Variants in CELF2 observed in about 807,000 individuals in gnomAD.
CELF2 encodes the protein CUGBP Elav-like family member 2, also known as CUG triplet repeat RNA-binding protein 2.
A neutral mutation model predicts 62.6 loss-of-function variants in CELF2; 8 were observed. That is an observed-to-expected ratio of 0.13 (90% CI 0.07 to 0.23). The LOEUF is 0.23. CELF2 is among the 10% of genes least tolerant of loss of function. The pLI is 1.00. For missense variants in CELF2, 333 were observed against 671.0 expected, an observed-to-expected ratio of 0.50 and a Z score of 5.56; for synonymous variants, 258 against 250.0, an observed-to-expected ratio of 1.03 and a Z score of -0.30.
At chr10:11,078,100 T>G (rs61830423) in intron 1 of CELF2, among the ~76,000 whole-genome samples, 3,714 of 152,282 alleles carry the variant, frequency 0.024, 76 homozygotes, top group South Asian at 0.05. Context: ...CCATTTCGTT[T>G]TGAATGCTTT....
At chr10:11,163,902 G>C (rs2066326797) in intron 1 of CELF2, among the ~76,000 whole-genome samples, 1 of 152,222 alleles carries the variant, frequency 6.6e-6, no homozygotes, top group African/African-American at 2.4e-5. Context: ...ACCCACAGCA[G>C]ATTTAAAGTG....
In CELF2 at chr10:10,871,519, C is replaced by T. The variant is rs572377088; in HGVS notation, c.54-48445C>T. Among the ~76,000 whole-genome samples the T allele has an allele frequency of 1.7e-4, 26 of 152,188 alleles. No homozygotes were observed. The Middle Eastern group carries it at 0.01, about 60-fold the overall frequency. On this transcript the variant is annotated intron_variant, in intron 1 of 13. Coordinates refer to the CELF2 transcript ENST00000636488. ...TGTGTTAGAAACCTAGCGGGAATGG[C>T]TCAGGACTGCAATCCCAGCACTTTG...
intron 2 of CELF2, among the ~76,000 whole-genome samples, chr10:10,961,162 G>A (rs2049459316): frequency 6.6e-6 from 1 of 152,154 alleles, no homozygotes; most frequent in South Asian, 2.1e-4. Flanking sequence ...CTAAAAAAAA[G>A]AGAAGAGGTA....
rs532776305 is a variant in CELF2 at position 11,270,322 on chromosome 10, G to C, written c.619-344G>C. Among the ~76,000 whole-genome samples, 2 of 152,184 alleles carry C rather than the reference G, an allele frequency of 1.3e-5. No individual in the cohort carries two copies. The highest frequency in any genetic ancestry group is 2.9e-5 in the Non-Finnish European group (2 of 68,032). ...AGTCTGTCTTTAAGACGAGCAGCCT[G>C]AGAAGCTCAATTAAAGAACCTTGGT... On this transcript the variant is annotated intron_variant, in intron 6 of 12. Coordinates refer to ENST00000633077, the MANE Select transcript of CELF2 (RefSeq NM_001326342.2). The surrounding 1 kb of genome is among the most constrained non-coding windows in gnomAD (Gnocchi z 5.8).
Position 10,957,486 on chromosome 10 carries a change from C to G in CELF2, c.89+37487C>G, listed in dbSNP as rs529100158. Among the ~76,000 whole-genome samples, 6 of 152,264 alleles carry G rather than the reference C, an allele frequency of 3.9e-5. No individual in the cohort carries two copies. The highest frequency in any genetic ancestry group is 1.4e-4 in the African/African-American group (6 of 41,562). On this transcript the variant is annotated intron_variant, in intron 2 of 13. Transcript: ENST00000636488. The surrounding 1 kb of genome is among the most constrained non-coding windows in gnomAD (Gnocchi z 4.1). ...AAACCCTACTGGAATTAACCAGGATCTACTTTAAACAACCGTCAGACCACC... is the reference window on the plus strand; with the variant it reads ...AAACCCTACTGGAATTAACCAGGATGTACTTTAAACAACCGTCAGACCACC...
rs1252838844 is a variant in CELF2, at chr10:11,255,256, T to C, written c.404-2482T>C. On this transcript the variant is annotated intron_variant, in intron 4 of 12. Transcript: ENST00000633077. The surrounding 1 kb of genome is among the most constrained non-coding windows in gnomAD (Gnocchi z 5.5). ...CCTCAGCAGTCTCCCTCCCAGGAAT[T>C]GGAGCCCGGGGTGCCTGTTGCCCAT... Among the ~76,000 whole-genome samples the C allele has an allele frequency of 6.6e-6, 1 of 152,308 alleles. No individual in the cohort carries two copies. Among genetic ancestry groups the C allele is most frequent in the East Asian group, 1.9e-4 (1 of 5,172 alleles).
At chr10:10,483,579 A>G in the CELF2 span, among the ~76,000 whole-genome samples, 4 of 152,194 alleles carry the variant, frequency 2.6e-5, no homozygotes, top group African/African-American at 9.7e-5. Context: ...CAGTTTACTT[A>G]AGAAAATTTT....
the CELF2 span, among the ~76,000 whole-genome samples, chr10:10,700,965 C>G: frequency 9.3e-3 from 1,414 of 152,324 alleles, 8 homozygotes; most frequent in East Asian, 0.019. Context: ...CAAGTTCTGG[C>G]TTTATCTTTT....
chr10:11,081,874 G>A (rs1389044826), intron 1 of CELF2, among the ~76,000 whole-genome samples: 1 of 152,180 alleles, frequency 6.6e-6, no homozygotes, highest in East Asian at 1.9e-4. Context: ...CCTGGCCTCT[G>A]ATGTCCCCAT....
chr10:10,696,683 A>G, the CELF2 span, among the ~76,000 whole-genome samples: 2 of 151,950 alleles, frequency 1.3e-5, 1 homozygote, highest in African/African-American at 4.8e-5. Flanking sequence ...CCTCCGAGCC[A>G]GGTGTGGGAT....
chr10:10,694,142 G>A, the CELF2 span, among the ~76,000 whole-genome samples: 2 of 150,838 alleles, frequency 1.3e-5, no homozygotes, highest in East Asian at 3.9e-4. Flanking sequence ...TTCTCTTGTG[G>A]GCATTTAGTG....
At chr10:10,912,405 G>C (rs972766691) in intron 1 of CELF2, among the ~76,000 whole-genome samples, 4 of 149,294 alleles carry the variant, frequency 2.7e-5, no homozygotes, top group African/African-American at 9.9e-5. Flanking sequence ...TTTTTTTTTT[G>C]AGATGCTCTG....
At chr10:11,057,082 A>G (rs1460073678) in intron 1 of CELF2, among the ~76,000 whole-genome samples, 1 of 152,184 alleles carries the variant, frequency 6.6e-6, no homozygotes, top group Non-Finnish European at 1.5e-5. Context: ...CCGTGCCTGG[A>G]GGCCCTGGTA....
At chr10:10,967,705 T>C (rs1262362782) in intron 2 of CELF2, among the ~76,000 whole-genome samples, 3 of 152,088 alleles carry the variant, frequency 2.0e-5, no homozygotes, top group Non-Finnish European at 4.4e-5. Context: ...CTTCAATCAA[T>C]GGCTGGAAGC....
At chr10:11,164,114 G>T (rs1341000632) in intron 1 of CELF2, among the ~76,000 whole-genome samples, 1 of 152,182 alleles carries the variant, frequency 6.6e-6, no homozygotes, top group Non-Finnish European at 1.5e-5. Flanking sequence ...CTCTGTAGGG[G>T]CAGCTTCTGC....
At chr10:10,915,981 A>G (rs1564814868) in intron 1 of CELF2, among the ~76,000 whole-genome samples, 1 of 152,242 alleles carries the variant, frequency 6.6e-6, no homozygotes, top group Admixed American at 6.5e-5. Context: ...CTAATAATGG[A>G]CATTGTGCCT....
chr10:10,593,376 C>T, the CELF2 span, among the ~76,000 whole-genome samples: 1 of 152,188 alleles, frequency 6.6e-6, no homozygotes, highest in Non-Finnish European at 1.5e-5. Flanking sequence ...TTCACATGGT[C>T]TCTCATCCTC....
At chr10:11,123,205 C>T (rs1001290014) in intron 1 of CELF2, among the ~76,000 whole-genome samples, 9 of 152,070 alleles carry the variant, frequency 5.9e-5, no homozygotes, top group South Asian at 2.1e-4. Context: ...TACAAGCACA[C>T]TGTTTGGAGG....
chr10:10,944,199 T>G (rs2047388289), intron 2 of CELF2: 1 of 152,690 alleles, frequency 6.5e-6, no homozygotes, highest in Admixed American at 6.5e-5. Flanking sequence ...CTAGATCCAG[T>G]AGACACTTCA....
Sources: gnomAD v4.1 joint callset for allele counts (sites outside exome capture counted in the v4.1 genomes callset) on GRCh38, gnomAD v4.1.1 for gene constraint, Gnocchi (gnomAD v3.1) non-coding constraint, MANE v1.5 for transcripts, NCBI Gene and HGNC (gene_info 2026-07-23, HGNC 2026-07-21) for gene names.